Variants in PCBP3 observed in about 807,000 individuals in gnomAD.
The protein encoded by PCBP3 is poly(rC) binding protein 3, also known as poly(rC)-binding protein 3.
Under a neutral mutation model 52.7 loss-of-function variants are expected in PCBP3, and 25 were observed. The observed-to-expected ratio is 0.47, with a 90% CI of 0.35 to 0.66. The LOEUF is 0.66. Ranked by LOEUF, PCBP3 falls within the 30% of genes least tolerant of loss-of-function variation. The probability of loss-of-function intolerance (pLI) is 0.01; values close to 1 mark genes in which losing one functional copy is unlikely to be tolerated. For missense variants in PCBP3, 391 were observed against 490.3 expected (o/e 0.80, Z 1.91); for synonymous variants, 162 against 183.0 (o/e 0.89, Z 0.93).
chr21:45,718,150 G>A (rs1479004980), intron 2 of PCBP3, among the ~76,000 whole-genome samples: 1 of 149,472 alleles, frequency 6.7e-6, no homozygotes, highest in Non-Finnish European at 1.5e-5. Context: ...ATTTCTGCAA[G>A]GTTGGTTGTG....
chr21:45,723,599 C>T (rs1456747849), intron 2 of PCBP3, among the ~76,000 whole-genome samples: 1 of 152,180 alleles, frequency 6.6e-6, no homozygotes, highest in Non-Finnish European at 1.5e-5. Flanking sequence ...TCTATATTGA[C>T]ACATACCTGA....
chr21:45,845,649 TGA>T (rs1189947900), intron 4 of PCBP3, among the ~76,000 whole-genome samples: 2 of 151,810 alleles, frequency 1.3e-5, no homozygotes, highest in Non-Finnish European at 2.9e-5. Context: ...TGCACATGTG[TGA>T]GTGTGTGCCT....
At chr21:45,867,778 G>A (rs2094806236) in intron 5 of PCBP3, among the ~76,000 whole-genome samples, 1 of 152,254 alleles carries the variant, frequency 6.6e-6, no homozygotes, top group African/African-American at 2.4e-5. Flanking sequence ...TGGACGCAGC[G>A]TCTTCCTTCC....
chr21:45,768,170 G>A (rs1373169091), intron 4 of PCBP3, among the ~76,000 whole-genome samples: 3 of 152,236 alleles, frequency 2.0e-5, no homozygotes, highest in Non-Finnish European at 4.4e-5. Context: ...AGCCTGGGCT[G>A]TGGGGTGCCT....
Position 45,874,667 on chromosome 21 carries a change from C to T in PCBP3, c.11-21541C>T, listed in dbSNP as rs577014370. On this transcript the variant is annotated intron_variant, in intron 5 of 17. Coordinates refer to ENST00000681687, the MANE Select transcript of PCBP3 (RefSeq NM_001384156.1). ...GATTACAGGCACTTGCCACCACGCC[C>T]GGCTACTTTTTTGTATTTTTAGTAG... 5.9e-4 allele frequency among the ~76,000 whole-genome samples: 90 copies of T among 152,194 alleles called. 1 individual carries two copies. The highest frequency in any genetic ancestry group is 2.0e-3 in the African/African-American group (82 of 41,530).
chr21:45,851,198 T>C (rs2093984484), intron 5 of PCBP3, among the ~76,000 whole-genome samples: 1 of 151,968 alleles, frequency 6.6e-6, no homozygotes, highest in African/African-American at 2.4e-5. Context: ...TGTTTTAGAG[T>C]CAATAGTTAG....
At chr21:45,883,534 A>G (rs2095449295) in intron 5 of PCBP3, among the ~76,000 whole-genome samples, 1 of 152,184 alleles carries the variant, frequency 6.6e-6, no homozygotes, top group Non-Finnish European at 1.5e-5. Context: ...TTTCACTACT[A>G]TTAGTTTCTG....
intron 11 of PCBP3, 115 bp downstream of exon 11, chr21:45,911,145 G>A (rs748038806): frequency 4.8e-6 from 6 of 1,241,632 alleles, no homozygotes; most frequent in Middle Eastern, 3.7e-4. Flanking sequence ...TTGGGGCTGT[G>A]GGGGGCTCCT....
At chr21:45,879,827 A>G (rs1247599487) in intron 5 of PCBP3, among the ~76,000 whole-genome samples, 1 of 152,124 alleles carries the variant, frequency 6.6e-6, no homozygotes, top group South Asian at 2.1e-4. Flanking sequence ...AATTTATAGC[A>G]TGACAGCATC....
At chr21:45,700,253 A>C (rs932532971) in intron 2 of PCBP3, among the ~76,000 whole-genome samples, 3 of 152,220 alleles carry the variant, frequency 2.0e-5, no homozygotes, top group African/African-American at 7.2e-5. Context: ...TTAGGCCCTG[A>C]AAAATCCTGT....
At chr21:45,882,398 G>GT (rs2148802540) in intron 5 of PCBP3, among the ~76,000 whole-genome samples, 1 of 152,110 alleles carries the variant, frequency 6.6e-6, no homozygotes, top group East Asian at 1.9e-4. Context: ...CTATTGAGTT[G>GT]TTTGAGTTCC....
intron 5 of PCBP3, among the ~76,000 whole-genome samples, chr21:45,874,841 C>T (rs956526786): frequency 3.3e-5 from 5 of 152,176 alleles, no homozygotes; most frequent in African/African-American, 7.2e-5. Flanking sequence ...CTGTGGTTTT[C>T]GCTGCCCGTG....
At chr21:45,911,691 C>G (rs1044519715) in intron 11 of PCBP3, among the ~76,000 whole-genome samples, 3 of 152,148 alleles carry the variant, frequency 2.0e-5, no homozygotes, top group Admixed American at 1.3e-4. Context: ...AATGAAGAAG[C>G]CTCGCCCCAG....
chr21:45,707,974 G>C (rs1191872333), intron 2 of PCBP3, among the ~76,000 whole-genome samples: 1 of 152,214 alleles, frequency 6.6e-6, no homozygotes, highest in African/African-American at 2.4e-5. Flanking sequence ...GCTTGCTCAA[G>C]GTCACTCCAC....
At chr21:45,893,303 G>A (rs1218815187) in intron 5 of PCBP3, among the ~76,000 whole-genome samples, 2 of 151,892 alleles carry the variant, frequency 1.3e-5, no homozygotes, top group Admixed American at 1.3e-4. Flanking sequence ...GGGCTGGAGG[G>A]TGGGGCAGGA....
chr21:45,852,080 A>G (rs2094032456), intron 5 of PCBP3, among the ~76,000 whole-genome samples: 1 of 152,258 alleles, frequency 6.6e-6, no homozygotes, highest in East Asian at 1.9e-4. Flanking sequence ...GTCTGTCCAG[A>G]TAGCTGGAAG....
chr21:45,850,165 C>G, intron 5 of PCBP3, 70 bp downstream of exon 5: 1 of 1,278,404 alleles, frequency 7.8e-7, no homozygotes, highest in Non-Finnish European at 1.1e-6. Context: ...TCAGACTTAC[C>G]CTTGACAAAT....
At position 45,655,822 on chromosome 21, in the gene PCBP3, A is replaced by C. The variant is rs187090934; in HGVS notation, c.-279+11954A>C. On this transcript the variant is annotated intron_variant, in intron 1 of 17. Coordinates refer to ENST00000681687, the MANE Select transcript of PCBP3 (RefSeq NM_001384156.1). ...TTAAACAAATTTTCAAGAAAAAAAA[A>C]CCCATCAAAAAGTGGGCAAGGCATA... Among the ~76,000 whole-genome samples the C allele has an allele frequency of 1.5e-3, 225 of 152,286 alleles. 1 individual carries two copies. The highest frequency in any genetic ancestry group is 2.5e-3 in the Non-Finnish European group (167 of 68,016).
intron 5 of PCBP3, among the ~76,000 whole-genome samples, chr21:45,854,487 C>T (rs894576204): frequency 1.3e-5 from 2 of 152,130 alleles, no homozygotes; most frequent in South Asian, 2.1e-4. Context: ...CTCTAGGGAC[C>T]GCTACACGTG....
Sources: gnomAD v4.1 joint callset for allele counts (sites outside exome capture counted in the v4.1 genomes callset) on GRCh38, gnomAD v4.1.1 for gene constraint, MANE v1.5 for transcripts, NCBI Gene and HGNC (gene_info 2026-07-23, HGNC 2026-07-21) for gene names.